IDE: variants seen among roughly 807,000 people sequenced by gnomAD.
IDE encodes the protein insulin-degrading enzyme.
Under a neutral mutation model 133.2 loss-of-function variants are expected in IDE, and 58 were observed. That is an observed-to-expected ratio of 0.44 (90% CI 0.35 to 0.54). The LOEUF (loss-of-function observed/expected upper bound fraction) is 0.54, where lower values mean the gene tolerates loss of function less well. IDE is among the 20% of genes least tolerant of loss of function. The pLI, the probability that IDE is intolerant of heterozygous loss-of-function variation, is 0.00. For missense variants in IDE, 981 were observed against 1,234.0 expected (o/e 0.79, Z 3.07); for synonymous variants, 396 against 421.3 (o/e 0.94, Z 0.73).
At chr10:92,471,005 G>A (rs1471228074) in intron 17 of IDE, among the ~76,000 whole-genome samples, 2 of 150,494 alleles carry the variant, frequency 1.3e-5, no homozygotes, top group Admixed American at 6.6e-5. Context: ...AAGCCCACTT[G>A]CCCATCTACA....
At chr10:92,556,780 T>C (rs532374277) in intron 1 of IDE, among the ~76,000 whole-genome samples, 1 of 151,156 alleles carries the variant, frequency 6.6e-6, no homozygotes, top group African/African-American at 2.4e-5. Flanking sequence ...AAAAATTAGC[T>C]GAACACGGTG....
At chr10:92,573,796 C>A in intron 1 of IDE, 126 bp downstream of exon 1, 1 of 678,994 alleles carries the variant, frequency 1.5e-6, no homozygotes, top group Non-Finnish European at 2.3e-6. Flanking sequence ...GGCCCCAGGC[C>A]GGCGGGACGG....
chr10:92,573,775 G>C, intron 1 of IDE, 147 bp downstream of exon 1: 1 of 577,686 alleles, frequency 1.7e-6, no homozygotes, highest in Non-Finnish European at 2.8e-6. Flanking sequence ...CGGCCTCAGC[G>C]CGGCAGTACG....
At chr10:92,492,158 G>C (rs1005305230) in intron 11 of IDE, among the ~76,000 whole-genome samples, 3 of 151,896 alleles carry the variant, frequency 2.0e-5, no homozygotes, top group African/African-American at 7.3e-5. Context: ...TACTTGGGAG[G>C]CTGAGGCAGG....
At position 92,506,427 on chromosome 10, in the gene IDE, T is replaced by C; in HGVS notation, c.1326+15A>G. 2 of 1,378,008 alleles carry C rather than the reference T, an allele frequency of 1.5e-6. No homozygotes were observed. The highest frequency in any genetic ancestry group is 1.2e-5 in the South Asian group (1 of 83,108). The allele number at this position is 1,378,008 out of a possible 1,614,324, so 85.4% of individuals were successfully genotyped here. A position where few individuals can be genotyped will look rare whatever the true frequency, so the allele number is the denominator to read the frequency against. ...CCACACAGCAATGTATACAGTAAAA[T>C]AACAACAAACTTACATGCAATATTC... On this transcript the variant is annotated intron_variant, in intron 10 of 24. Transcript: ENST00000265986.
chr10:92,466,175 G>A (rs1340754069), intron 19 of IDE, among the ~76,000 whole-genome samples: 1 of 144,426 alleles, frequency 6.9e-6, no homozygotes, highest in South Asian at 2.2e-4. Flanking sequence ...AGGCTGCAGT[G>A]AGCTGTGAGT....
At chr10:92,475,042 A>G in intron 16 of IDE, 81 bp from the exon 17 acceptor site, 4 of 1,091,396 alleles carry the variant, frequency 3.7e-6, no homozygotes, top group Non-Finnish European at 4.0e-6. Flanking sequence ...TCAAATTTCA[A>G]TTCTCTATAA....
chr10:92,566,795 T>C (rs1843575968), intron 1 of IDE, among the ~76,000 whole-genome samples: 1 of 152,140 alleles, frequency 6.6e-6, no homozygotes, highest in South Asian at 2.1e-4. Flanking sequence ...AGGGGATGAC[T>C]ACCCCCCACC....
chr10:92,452,113 T>A lies in IDE; in HGVS notation c.*2331A>T, dbSNP rs748823674. The stretch of plus-strand genomic sequence containing the variant: ...AACACTTTTAAAATGTTAATATAAT[T>A]CACTGCTTTCTGCATTATGAACAAT... On this transcript the variant is annotated 3_prime_UTR_variant, in exon 25 of 25. Transcript: ENST00000265986. The A allele has an allele frequency of 1.1e-4, 17 of 152,224 alleles. No individual in the cohort carries two copies. The highest frequency in any genetic ancestry group is 1.6e-4 in the Non-Finnish European group (11 of 68,040). The allele number at this position is 152,224 out of a possible 1,614,324, so 9.4% of individuals were successfully genotyped here.
At chr10:92,497,017 A>G (rs577418397) in intron 11 of IDE, among the ~76,000 whole-genome samples, 2 of 152,374 alleles carry the variant, frequency 1.3e-5, no homozygotes, top group East Asian at 3.9e-4. Context: ...TAAATTAGGA[A>G]TTGATCCCTG....
chr10:92,468,245 G>A (rs1845792488), intron 19 of IDE, among the ~76,000 whole-genome samples: 1 of 152,136 alleles, frequency 6.6e-6, no homozygotes, highest in Non-Finnish European at 1.5e-5. Flanking sequence ...TTCATGCATA[G>A]GGAACAACCA....
intron 11 of IDE, among the ~76,000 whole-genome samples, chr10:92,496,791 A>G (rs1847728802): frequency 6.6e-6 from 1 of 152,220 alleles, no homozygotes; most frequent in South Asian, 2.1e-4. Flanking sequence ...GTCTCAAAAA[A>G]TATAAAAATA....
intron 1 of IDE, among the ~76,000 whole-genome samples, chr10:92,544,375 C>T (rs11187060): frequency 0.33 from 50,398 of 151,912 alleles, 8,553 homozygotes; most frequent in Admixed American, 0.38. Flanking sequence ...AACAGCTGTT[C>T]GCAGTCATCC....
intron 21 of IDE, among the ~76,000 whole-genome samples, chr10:92,461,920 C>T (rs117501967): frequency 0.019 from 2,966 of 152,148 alleles, 45 homozygotes; most frequent in Admixed American, 0.052. Context: ...GTGATCCGCC[C>T]GCCTCGCACT....
At chr10:92,486,031 T>C (rs986865242) in intron 13 of IDE, among the ~76,000 whole-genome samples, 12 of 152,154 alleles carry the variant, frequency 7.9e-5, no homozygotes, top group Admixed American at 7.2e-4. Context: ...TAAGCTAATA[T>C]AAAACTCTTT....
At chr10:92,573,327 A>AT (rs1308258983) in intron 1 of IDE, 1 of 265,736 alleles carries the variant, frequency 3.8e-6, no homozygotes, top group East Asian at 1.8e-4. Flanking sequence ...GCTGTAGAGG[A>AT]TCCCGAGGTA....
rs537050515 is a variant in IDE at position 92,540,396 on chromosome 10, C to T, written c.99-2846G>A. 3.3e-5 allele frequency among the ~76,000 whole-genome samples: 5 copies of T among 152,106 alleles called. No individual in the cohort carries two copies. The East Asian group carries it at 7.7e-4, about 24-fold the overall frequency. ...ATTAAACTATTTTTAAAAATGAATC[C>T]AACTTAGCAGCGACATAACACTAAA... On this transcript the variant is annotated intron_variant, in intron 1 of 24. Transcript: ENST00000265986.
chr10:92,570,943 A>C (rs899765954), intron 1 of IDE, among the ~76,000 whole-genome samples: 7 of 151,202 alleles, frequency 4.6e-5, no homozygotes, highest in Admixed American at 2.0e-4. Context: ...AAACATACTG[A>C]ACTTTTTCTC....
chr10:92,531,326 C>T (rs1458503251), intron 4 of IDE, among the ~76,000 whole-genome samples: 1 of 152,084 alleles, frequency 6.6e-6, no homozygotes, highest in Admixed American at 6.6e-5. Flanking sequence ...CTACAGTGTC[C>T]TATCTCCCAC....
Sources: allele counts gnomAD v4.1 joint callset (sites outside exome capture counted in the v4.1 genomes callset), GRCh38; gene constraint gnomAD v4.1.1; transcripts MANE v1.5; gene names NCBI Gene and HGNC (gene_info 2026-07-23, HGNC 2026-07-21).